SIK3: variants seen among roughly 807,000 people sequenced by gnomAD.
SIK3 encodes the protein serine/threonine-protein kinase SIK3.
SIK3 carries 28 observed loss-of-function variants against 144.2 expected under a neutral mutation model. The observed-to-expected ratio is 0.19, with a 90% confidence interval of 0.14 to 0.27. SIK3 has a LOEUF of 0.27. Among genes scored for constraint, SIK3 ranks in the 10% least tolerant of loss-of-function variants. The pLI is 1.00. For missense variants in SIK3, 1,319 were observed against 1,776.0 expected (o/e 0.74, Z 4.62); for synonymous variants, 686 against 676.3 (o/e 1.01, Z -0.22).
intron 1 of SIK3, among the ~76,000 whole-genome samples, chr11:116,998,504 TC>T (rs998869724): frequency 1.3e-5 from 2 of 150,632 alleles, no homozygotes; most frequent in Admixed American, 1.3e-4. Context: ...TGACAACCGC[TC>T]TTGGAAAAAT....
At chr11:117,092,462 C>G (rs1019812627) in intron 1 of SIK3, among the ~76,000 whole-genome samples, 1 of 152,094 alleles carries the variant, frequency 6.6e-6, no homozygotes, top group South Asian at 2.1e-4. Context: ...AGGCAGCAGC[C>G]CCCCCCAGGG....
intron 1 of SIK3, among the ~76,000 whole-genome samples, chr11:116,961,993 AAC>A (rs1473991996): frequency 4.6e-5 from 7 of 152,236 alleles, no homozygotes; most frequent in Non-Finnish European, 5.9e-5. Context: ...ACTTCTAAAA[AAC>A]ACAGTTCTTT....
intron 22 of SIK3, among the ~76,000 whole-genome samples, chr11:116,848,918 G>A (rs751425787): frequency 6.6e-6 from 1 of 152,092 alleles, no homozygotes; most frequent in Non-Finnish European, 1.5e-5. Flanking sequence ...AGCTGATATC[G>A]CGCCACTGTC....
intron 2 of SIK3, among the ~76,000 whole-genome samples, chr11:116,954,600 G>A (rs748238235): frequency 7.3e-5 from 11 of 151,548 alleles, no homozygotes; most frequent in Non-Finnish European, 1.5e-4. Context: ...CCTTTCCACT[G>A]CCCATTTATT....
chr11:116,899,158 A>T (rs889922474), intron 4 of SIK3, among the ~76,000 whole-genome samples: 2 of 152,100 alleles, frequency 1.3e-5, no homozygotes, highest in Admixed American at 6.5e-5. Context: ...GTAAGGTGTA[A>T]GGAAGGGATC....
chr11:116,999,956 T>C (rs1447474866), intron 1 of SIK3, among the ~76,000 whole-genome samples: 1 of 152,216 alleles, frequency 6.6e-6, no homozygotes, highest in Non-Finnish European at 1.5e-5. Flanking sequence ...AGAGCAACAG[T>C]GGGCATAATT....
At chr11:117,011,385 T>C (rs1180217727) in intron 1 of SIK3, among the ~76,000 whole-genome samples, 1 of 152,156 alleles carries the variant, frequency 6.6e-6, no homozygotes, top group Non-Finnish European at 1.5e-5. Context: ...TGTATTACGA[T>C]TACATTCTTA....
chr11:116,974,738 T>C (rs1949887773), intron 1 of SIK3, among the ~76,000 whole-genome samples: 1 of 152,210 alleles, frequency 6.6e-6, no homozygotes. Flanking sequence ...ATTTTTCTTT[T>C]AGACATAGTT....
intron 3 of SIK3, among the ~76,000 whole-genome samples, chr11:116,928,591 G>T (rs2135143375): frequency 6.6e-6 from 1 of 152,278 alleles, no homozygotes; most frequent in South Asian, 2.1e-4. Context: ...GAAGTTCAGG[G>T]TAGCACATAT....
At chr11:116,939,088 T>G (rs562212858) in intron 3 of SIK3, among the ~76,000 whole-genome samples, 9 of 152,352 alleles carry the variant, frequency 5.9e-5, no homozygotes, top group South Asian at 2.1e-4. Context: ...AGAAGAAGAA[T>G]AACTCATAAA....
intron 4 of SIK3, among the ~76,000 whole-genome samples, chr11:116,900,586 C>T (rs1369148167): frequency 1.3e-5 from 2 of 152,226 alleles, no homozygotes; most frequent in Admixed American, 6.5e-5. Flanking sequence ...CAATTTATCC[C>T]TGGCCATGCT....
chr11:116,972,970 T>C (rs935379268), intron 1 of SIK3, among the ~76,000 whole-genome samples: 1 of 152,150 alleles, frequency 6.6e-6, no homozygotes, highest in African/African-American at 2.4e-5. Context: ...GCAGTCTCTC[T>C]AGGATCAGTC....
chr11:117,086,369 C>T (rs776019667), intron 1 of SIK3, among the ~76,000 whole-genome samples: 4 of 152,188 alleles, frequency 2.6e-5, no homozygotes, highest in African/African-American at 9.6e-5. Context: ...GAAATTCTCA[C>T]GCTGGTTTAC....
At chr11:116,953,023 T>TA (rs1309090494) in intron 3 of SIK3, among the ~76,000 whole-genome samples, 8 of 152,218 alleles carry the variant, frequency 5.3e-5, no homozygotes, top group Non-Finnish European at 7.4e-5. Context: ...ATACCTCTTT[T>TA]AAAAAGGACT....
At chr11:116,908,781 G>A (rs2134922815) in intron 4 of SIK3, among the ~76,000 whole-genome samples, 1 of 152,280 alleles carries the variant, frequency 6.6e-6, no homozygotes, top group Non-Finnish European at 1.5e-5. Flanking sequence ...AAGCACTGGA[G>A]AGGACATGGA....
At chr11:116,928,012 C>T (rs1213702006) in intron 3 of SIK3, among the ~76,000 whole-genome samples, 1 of 152,150 alleles carries the variant, frequency 6.6e-6, no homozygotes, top group Non-Finnish European at 1.5e-5. Flanking sequence ...ATGGTTCTTA[C>T]AAAATGATAA....
At chr11:116,971,458 T>C (rs76223783) in intron 1 of SIK3, among the ~76,000 whole-genome samples, 11,177 of 152,298 alleles carry the variant, frequency 0.073, 741 homozygotes, top group African/African-American at 0.18. Context: ...TTTTTTGTTT[T>C]AGACTAGTTA....
chr11:117,041,360 C>A (rs955499013), intron 1 of SIK3, among the ~76,000 whole-genome samples: 1 of 152,066 alleles, frequency 6.6e-6, no homozygotes, highest in Admixed American at 6.6e-5. Context: ...CATGCCCCAC[C>A]CTCATCTAGC....
chr11:117,091,890 C>T (rs1262850400), intron 1 of SIK3, among the ~76,000 whole-genome samples: 1 of 152,114 alleles, frequency 6.6e-6, no homozygotes, highest in African/African-American at 2.4e-5. Flanking sequence ...TCAAGTGATC[C>T]TCCCGCCTCC....
Sources: allele counts gnomAD v4.1 joint callset (sites outside exome capture counted in the v4.1 genomes callset), GRCh38; gene constraint gnomAD v4.1.1; transcripts MANE v1.5; gene names NCBI Gene and HGNC (gene_info 2026-07-23, HGNC 2026-07-21).